Variants in SLC15A1 observed in about 807,000 individuals in gnomAD.
SLC15A1 encodes Caco-2 oligopeptide transporter.
SLC15A1 carries 83 observed loss-of-function variants against 92.9 expected under a neutral mutation model. The observed-to-expected ratio is 0.89, with a 90% confidence interval of 0.75 to 1.07. The LOEUF is 1.07. Among genes scored for constraint, SLC15A1 ranks in the 50% least tolerant of loss-of-function variants. The pLI is 0.00. For missense variants in SLC15A1, 857 were observed against 880.1 expected (o/e 0.97, Z 0.33); for synonymous variants, 322 against 318.2 (o/e 1.01, Z -0.13).
chr13:98,692,689 G>A (rs932260709), intron 18 of SLC15A1, among the ~76,000 whole-genome samples: 3 of 152,164 alleles, frequency 2.0e-5, no homozygotes, highest in African/African-American at 7.2e-5. Flanking sequence ...GTTTTTCAAA[G>A]TGGCTGTACC....
At chr13:98,687,547 T>A in intron 21 of SLC15A1, 34 bp downstream of exon 21, 5 of 1,608,522 alleles carry the variant, frequency 3.1e-6, no homozygotes, top group Non-Finnish European at 3.4e-6. Context: ...GCAGGGGTAT[T>A]GCAGATGGGT....
At chr13:98,685,118 GACA>G (rs1335936685) in intron 22 of SLC15A1, among the ~76,000 whole-genome samples, 2 of 152,138 alleles carry the variant, frequency 1.3e-5, no homozygotes, top group African/African-American at 4.8e-5. Context: ...TGCTAATATA[GACA>G]ACATGTTTTG....
rs557270502 is a variant in SLC15A1, at chr13:98,687,730, G to A, written c.1684-6C>T. 6.2e-7 allele frequency: 1 copy of A among 1,611,196 alleles called. No homozygotes were observed. Among genetic ancestry groups the A allele is most frequent in the East Asian group, 2.2e-5 (1 of 44,876 alleles). On this transcript the variant is annotated splice_region_variant and splice_polypyrimidine_tract_variant and intron_variant, in intron 20 of 22. Coordinates refer to ENST00000376503, the MANE Select transcript of SLC15A1 (RefSeq NM_005073.4). ...ACTTCAGGGCAGCTGTCATTCTGCA[G>A]CAGTAAGGCAAAAGCAGAAGAAGTT...
At chr13:98,716,096 A>G (rs1012244291) in intron 8 of SLC15A1, 136 bp from the exon 9 acceptor site, 2 of 721,750 alleles carry the variant, frequency 2.8e-6, no homozygotes, top group African/African-American at 3.5e-5. Flanking sequence ...TTACCTTCCA[A>G]CCTCACAGTT....
At chr13:98,733,845 G>C (rs1247926133) in intron 1 of SLC15A1, among the ~76,000 whole-genome samples, 2 of 152,240 alleles carry the variant, frequency 1.3e-5, no homozygotes, top group Non-Finnish European at 2.9e-5. Flanking sequence ...ATATTGAAAT[G>C]TAATCCCCAA....
chr13:98,736,059 G>C (rs1019697308), intron 1 of SLC15A1, among the ~76,000 whole-genome samples: 1 of 152,180 alleles, frequency 6.6e-6, no homozygotes, highest in East Asian at 1.9e-4. Context: ...AAAGAACAAA[G>C]CTGGAGGCAT....
At chr13:98,708,828 C>A in intron 14 of SLC15A1, 61 bp from the exon 15 acceptor site, 3 of 1,251,952 alleles carry the variant, frequency 2.4e-6, no homozygotes, top group Non-Finnish European at 2.2e-6. Context: ...TAAGCTAAAC[C>A]CCCACCCCCA....
rs568870742 is a variant in SLC15A1 at position 98,689,828 on chromosome 13, G to A, written c.1467-1251C>T. 1.1e-3 allele frequency among the ~76,000 whole-genome samples: 166 copies of A among 152,286 alleles called. 1 individual carries two copies. Among genetic ancestry groups the A allele is most frequent in the Admixed American group, 1.8e-3 (28 of 15,296 alleles). On this transcript the variant is annotated intron_variant, in intron 18 of 22. Coordinates refer to ENST00000376503, the MANE Select transcript of SLC15A1 (RefSeq NM_005073.4). ...GAGTGACAGTGGTCAGCATCCTGCT[G>A]GAATACAGCTTTGAATGGATACCCA...
chr13:98,696,995 C>T (rs1450695824), intron 18 of SLC15A1, among the ~76,000 whole-genome samples: 1 of 152,054 alleles, frequency 6.6e-6, no homozygotes, highest in African/African-American at 2.4e-5. Context: ...GAGAAACCAG[C>T]CCTTCTGGCA....
In SLC15A1 at chr13:98,694,684, G is replaced by A. The variant is rs539950041; in HGVS notation, c.1467-6107C>T. Among the ~76,000 whole-genome samples the A allele has an allele frequency of 7.2e-5, 11 of 152,262 alleles. No individual in the cohort carries two copies. In the South Asian group the frequency reaches 2.1e-3, roughly 29 times the overall value. On this transcript the variant is annotated intron_variant, in intron 18 of 22. Coordinates refer to ENST00000376503, the MANE Select transcript of SLC15A1 (RefSeq NM_005073.4). Reference sequence around the variant, plus strand: ...ACTAGAAGGAATGAATAAATAAATTGCAGTATATCCATGTAATAGAATACT... The same window carrying A: ...ACTAGAAGGAATGAATAAATAAATTACAGTATATCCATGTAATAGAATACT...
chr13:98,687,060 G>C (rs1416040944), intron 21 of SLC15A1, among the ~76,000 whole-genome samples: 1 of 150,070 alleles, frequency 6.7e-6, no homozygotes, highest in African/African-American at 2.5e-5. Flanking sequence ...CAATCCTCCT[G>C]CCTCAGCCTC....
intron 9 of SLC15A1, among the ~76,000 whole-genome samples, chr13:98,714,321 A>C (rs1447281093): frequency 1.3e-5 from 2 of 152,118 alleles, no homozygotes; most frequent in African/African-American, 2.4e-5. Context: ...TGACAGGGAG[A>C]GGGCACATTT....
chr13:98,693,651 C>A (rs1389750369), intron 18 of SLC15A1, among the ~76,000 whole-genome samples: 1 of 152,122 alleles, frequency 6.6e-6, no homozygotes, highest in Non-Finnish European at 1.5e-5. Context: ...TAAATATTTT[C>A]TCTCATTCTG....
chr13:98,739,678 A>G (rs1594009645), intron 1 of SLC15A1, among the ~76,000 whole-genome samples: 1 of 152,160 alleles, frequency 6.6e-6, no homozygotes, highest in African/African-American at 2.4e-5. Flanking sequence ...TGCTTCCTGT[A>G]CAGCCTGCAG....
intron 9 of SLC15A1, among the ~76,000 whole-genome samples, chr13:98,714,269 T>C (rs1369000750): frequency 1.3e-5 from 2 of 152,096 alleles, no homozygotes; most frequent in South Asian, 4.1e-4. Flanking sequence ...ACAGTTCTAA[T>C]GTGAGAAGAA....
At chr13:98,705,218 A>C (rs1333828518) in intron 16 of SLC15A1, among the ~76,000 whole-genome samples, 1 of 150,696 alleles carries the variant, frequency 6.6e-6, no homozygotes, top group Non-Finnish European at 1.5e-5. Context: ...AAAAAAAAAA[A>C]AGGGATCTCT....
chr13:98,704,152 G>A, intron 17 of SLC15A1, 137 bp downstream of exon 17: 1 of 739,018 alleles, frequency 1.4e-6, no homozygotes. Context: ...TTGAAGTCTT[G>A]TGTTCCAGAA....
At chr13:98,702,722 A>G (rs2088078034) in intron 17 of SLC15A1, among the ~76,000 whole-genome samples, 193 bp from the exon 18 acceptor site, 1 of 152,078 alleles carries the variant, frequency 6.6e-6, no homozygotes, top group Middle Eastern at 3.4e-3. Context: ...TTGGGAGGCT[A>G]AGGCAGGAGG....
At chr13:98,690,173 T>C (rs4646231) in intron 18 of SLC15A1, among the ~76,000 whole-genome samples, 1,612 of 152,316 alleles carry the variant, frequency 0.011, 19 homozygotes, top group Middle Eastern at 0.068. Context: ...CTCAGCAGTG[T>C]AAAGAATAAT....
Sources: gnomAD v4.1 joint callset for allele counts (sites outside exome capture counted in the v4.1 genomes callset) on GRCh38, gnomAD v4.1.1 for gene constraint, MANE v1.5 for transcripts, NCBI Gene and HGNC (gene_info 2026-07-23, HGNC 2026-07-21) for gene names.